The following MYH2 variants were observed in gnomAD, a reference collection of about 807,000 sequenced individuals.
The protein encoded by MYH2 is myosin heavy chain 2.
Under a neutral mutation model 228.1 loss-of-function variants are expected in MYH2, and 139 were observed. That is an observed-to-expected ratio of 0.61 (90% CI 0.53 to 0.70). The LOEUF (loss-of-function observed/expected upper bound fraction) is 0.70. Ranked by LOEUF, MYH2 falls within the 30% of genes least tolerant of loss-of-function variation. The pLI, the probability that MYH2 is intolerant of heterozygous loss-of-function variation, is 0.00. For synonymous variants in MYH2, 796 were observed against 871.1 expected (o/e 0.91, Z 1.52); for missense variants, 1,809 against 2,357.5 (o/e 0.77, Z 4.82).
At chr17:10,538,722 C>T (rs1234004582) in intron 14 of MYH2, among the ~76,000 whole-genome samples, 1 of 151,438 alleles carries the variant, frequency 6.6e-6, no homozygotes, top group Non-Finnish European at 1.5e-5. Context: ...TTCCTTGGGA[C>T]CTTCTATATC....
Position 10,523,101 on chromosome 17 carries a change from C to T in MYH2, c.5662G>A (p.Ala1888Thr). ...TTAAAAATACTTACAGCCTCCTCAG[C>T]TTGTCTCTTATAAGATTTCACTTTT... ...QAKVKSYKRQ[A>T]EEAEEQSNTN... The change falls in exon 39 of 40, where the codon GCT becomes ACT. Residue 1888 changes from alanine (A) to threonine (T), a missense_variant. Ala to Thr is a moderately conservative substitution (Grantham distance 58, BLOSUM62 0). Coordinates refer to ENST00000245503, the MANE Select transcript of MYH2 (RefSeq NM_017534.6). 6.2e-7 allele frequency: 1 copy of T among 1,611,178 alleles called. No homozygotes were observed. Among genetic ancestry groups the T allele is most frequent in the Non-Finnish European group, 8.5e-7 (1 of 1,177,344 alleles).
At chr17:10,526,848 T>A in intron 29 of MYH2, 53 bp from the exon 30 acceptor site, 1 of 1,614,080 alleles carries the variant, frequency 6.2e-7, no homozygotes, top group Non-Finnish European at 8.5e-7. Context: ...ATTTAACTCT[T>A]AACTTTCAAA....
chr17:10,538,829 G>A (rs976189616), intron 14 of MYH2, among the ~76,000 whole-genome samples: 1 of 152,040 alleles, frequency 6.6e-6, no homozygotes, highest in African/African-American at 2.4e-5. Flanking sequence ...AATCAAATAT[G>A]AATTTTTATT....
chr17:10,543,195 T>A (rs759083085), intron 8 of MYH2, 34 bp from the exon 9 acceptor site: 31 of 1,427,484 alleles, frequency 2.2e-5, no homozygotes, highest in African/African-American at 1.1e-4. Flanking sequence ...TACCTTTTTT[T>A]TATATAATAT....
Position 10,524,581 on chromosome 17 carries a change from A to C in MYH2, c.5060T>G (p.Leu1687Arg). ...CCGCAGCTCCTCGATCTCAGCCTGC[A>C]GCAGGTTGGCTCTGCGCTCCACCAT... is the stretch of plus-strand genomic sequence containing the variant. ...LAMVERRANL[L>R]QAEIEELRAT... The change falls in exon 35 of 40, where the codon CTG (leucine) becomes CGG (arginine). Residue 1687 changes from leucine (L) to arginine (R), a missense_variant. Physicochemically the swap from Leu to Arg is moderately radical, Grantham distance 102. Coordinates refer to ENST00000245503, the MANE Select transcript of MYH2 (RefSeq NM_017534.6). This position sits in a 1 kb window ranked among gnomAD's most constrained non-coding sequence, Gnocchi z 4.7. The C allele has an allele frequency of 6.2e-7, 1 of 1,614,178 alleles. No individual in the cohort carries two copies. The highest frequency in any genetic ancestry group is 8.5e-7 in the Non-Finnish European group (1 of 1,180,018).
Position 10,537,236 on chromosome 17 carries a change from C to T in MYH2, c.1894G>A (p.Gly632Arg). The T allele has an allele frequency of 1.2e-6, 2 of 1,614,198 alleles. No homozygotes were observed. Among genetic ancestry groups the T allele is most frequent in the Non-Finnish European group, 1.7e-6 (2 of 1,180,008 alleles). ...QLFSGAQTAEGEGAGGGAKKG... is the reference protein window; with the variant it reads ...QLFSGAQTAEREGAGGGAKKG... ...ATTATTAACATTTGAGCATTACCTC[C>T]TTCAGCAGTTTGAGCCCCAGAGAAG... is the stretch of plus-strand genomic sequence containing the variant. The change falls in exon 16 of 40, where the codon GGA becomes AGA. Residue 632 changes from glycine to arginine, a missense_variant. Around this residue, in one of 9 missense-constraint regions of MYH2, gnomAD observed 276 missense variants for 344.2 expected, o/e 0.80. Transcript: ENST00000245503. The surrounding 1 kb of genome is among the most constrained non-coding windows in gnomAD (Gnocchi z 4.0).
At position 10,542,188 on chromosome 17, in the gene MYH2, C is replaced by T. The variant is rs191353375; in HGVS notation, c.904+687G>A. On this transcript the variant is annotated intron_variant, in intron 10 of 39. Transcript: ENST00000245503. ...CTTGGGAGGCTGGGGCAGGGAGAAT[C>T]GCTTGAACCTGGGAGGTGGAGGTAG... 9.9e-5 allele frequency among the ~76,000 whole-genome samples: 15 copies of T among 152,198 alleles called. No homozygotes were observed. The East Asian group carries it at 1.9e-3, about 20-fold the overall frequency.
chr17:10,547,790 T>C lies in MYH2; in HGVS notation c.131A>G (p.Lys44Arg). 2 of 1,614,248 alleles carry C rather than the reference T, an allele frequency of 1.2e-6. No individual in the cohort carries two copies. Among genetic ancestry groups the C allele is most frequent in the South Asian group, 2.2e-5 (2 of 91,086 alleles). ...GATGGTCCCTTTGACAAAGGATTCTTTGGGCTCCGCCACAAAGACAGATGT... is the reference window on the plus strand; with the variant it reads ...GATGGTCCCTTTGACAAAGGATTCTCTGGGCTCCGCCACAAAGACAGATGT... ...AKTSVFVAEP[K>R]ESFVKGTIQS... The change falls in exon 3 of 40, where the codon AAA becomes AGA. Residue 44 changes from lysine to arginine, a missense_variant. Physicochemically the swap from Lys to Arg is conservative, Grantham distance 26. Transcript: ENST00000245503.
chr17:10,545,177 G>A (rs1032012376), intron 5 of MYH2, among the ~76,000 whole-genome samples, 169 bp downstream of exon 5: 4 of 152,012 alleles, frequency 2.6e-5, no homozygotes, highest in Non-Finnish European at 4.4e-5. Context: ...GTAATATTAC[G>A]CATTACAAAT....
intron 4 of MYH2, 49 bp from the exon 5 acceptor site, chr17:10,545,551 G>A (rs774272646): frequency 4.4e-6 from 7 of 1,606,394 alleles, no homozygotes; most frequent in Admixed American, 3.3e-5. Context: ...CCTGTTATTT[G>A]TGAAATTAAC....
Position 10,529,320 on chromosome 17 carries a change from A to C in MYH2, c.3263+16T>G. 6.2e-7 allele frequency: 1 copy of C among 1,613,690 alleles called. No individual in the cohort carries two copies. The highest frequency in any genetic ancestry group is 8.5e-7 in the Non-Finnish European group (1 of 1,179,928). On this transcript the variant is annotated intron_variant, in intron 25 of 39. Coordinates refer to ENST00000245503, the MANE Select transcript of MYH2 (RefSeq NM_017534.6). ...AATGTTGGAAGCAAATCCATAAGCAATTCTTTCTTACTTACTTTTTGAGCT... is the reference window on the plus strand; with the variant it reads ...AATGTTGGAAGCAAATCCATAAGCACTTCTTTCTTACTTACTTTTTGAGCT...
intron 30 of MYH2, 35 bp downstream of exon 30, chr17:10,526,564 G>T (rs1239308012): frequency 1.9e-6 from 3 of 1,613,290 alleles, no homozygotes; most frequent in Admixed American, 1.7e-5. Context: ...AATATGCAAA[G>T]TTTTCTGCTC....
rs1240903804 is a variant in MYH2, at chr17:10,530,004, G to A, written c.2768C>T (p.Ala923Val). 6.2e-7 allele frequency: 1 copy of A among 1,613,934 alleles called. No homozygotes were observed. Among genetic ancestry groups the A allele is most frequent in the Non-Finnish European group, 8.5e-7 (1 of 1,179,972 alleles). ...TCTCTCAGTCACCTCTTTGATTTTG[G>A]CTTCTAGCTGGATTTTGGTTTTGAT... ...QLIKTKIQLE[A>V]KIKEVTERAE... Residue 923 changes from alanine (A) to valine (V), a missense_variant, in exon 23 of 40, where the codon GCC becomes GTC. Transcript: ENST00000245503.
rs1263747590 is a variant in MYH2 at position 10,523,311 on chromosome 17, G to T, written c.5574C>A (p.Tyr1858Ter). The change falls in exon 38 of 40, where the codon TAC (tyrosine) becomes TAA (stop). Residue 1858 changes from tyrosine to a stop codon, truncating the protein, a stop_gained. Coordinates refer to ENST00000245503, the MANE Select transcript of MYH2 (RefSeq NM_017534.6). LOFTEE classifies it high-confidence loss of function. ...KHERRVKELT[Y>*]QTEEDRKNIL... Reference sequence around the variant, plus strand: ...CGCTAAAAACTACTGGCTGTACCTGGTAAGTGAGTTCCTTCACTCGCCTCT... The same window carrying T: ...CGCTAAAAACTACTGGCTGTACCTGTTAAGTGAGTTCCTTCACTCGCCTCT... 6.2e-7 allele frequency: 1 copy of T among 1,614,132 alleles called. No homozygotes were observed. Among genetic ancestry groups the T allele is most frequent in the Middle Eastern group, 1.6e-4 (1 of 6,062 alleles).
Position 10,521,418 on chromosome 17 carries a change from G to A in MYH2, c.5688C>T (p.Asn1896=), listed in dbSNP as rs146066739. ...GCTTGCGGAATTTAGCTAGATTGGTGTTGGATTGTTCCTCCTGAGAATAAA... is the reference window on the plus strand; with the variant it reads ...GCTTGCGGAATTTAGCTAGATTGGTATTGGATTGTTCCTCCTGAGAATAAA... ...RQAEEAEEQS[N]TNLAKFRKLQ... Residue 1896 remains asparagine (N), a synonymous_variant, in exon 40 of 40, where the codon AAC becomes AAT. Coordinates refer to ENST00000245503, the MANE Select transcript of MYH2 (RefSeq NM_017534.6). 1.2e-6 allele frequency: 2 copies of A among 1,613,980 alleles called. No individual in the cohort carries two copies. The highest frequency in any genetic ancestry group is 1.3e-5 in the African/African-American group (1 of 74,924).
At position 10,524,558 on chromosome 17, in the gene MYH2, G is replaced by T; in HGVS notation, c.5083C>A (p.Arg1695=). 1 of 1,614,172 alleles carries T rather than the reference G, an allele frequency of 6.2e-7. No individual in the cohort carries two copies. Among genetic ancestry groups the T allele is most frequent in the Non-Finnish European group, 8.5e-7 (1 of 1,180,024 alleles). ...NLLQAEIEEL[R]ATLEQTERSR... The stretch of plus-strand genomic sequence containing the variant: ...CTCTCTGTCTGTTCCAGAGTGGCCC[G>T]CAGCTCCTCGATCTCAGCCTGCAGC... The change falls in exon 35 of 40, where the codon CGG becomes AGG. Residue 1695 remains arginine (R), a synonymous_variant. Coordinates refer to ENST00000245503, the MANE Select transcript of MYH2 (RefSeq NM_017534.6). This position sits in a 1 kb window ranked among gnomAD's most constrained non-coding sequence, Gnocchi z 4.7.
At position 10,544,153 on chromosome 17, in the gene MYH2, A is replaced by G. The variant is rs9903455; in HGVS notation, c.506-26T>C. On this transcript the variant is annotated intron_variant, in intron 5 of 39. Transcript: ENST00000245503. ...CTACAAAAGAAATTATAGACATTTA[A>G]TACTGTTTTCTTACATATTTGTAAA... The G allele has an allele frequency of 8.8e-4, 1,417 of 1,608,478 alleles. 16 individuals carry two copies. The African/African-American group carries it at 0.017, about 20-fold the overall frequency.
chr17:10,542,488 C>G (rs2073569210), intron 10 of MYH2, among the ~76,000 whole-genome samples: 1 of 152,046 alleles, frequency 6.6e-6, no homozygotes, highest in African/African-American at 2.4e-5. Flanking sequence ...TATTTAGTGA[C>G]ATGGAAAAAG....
At chr17:10,545,031 G>GTGTGTGTGTGTGTA (rs1415228141) in intron 5 of MYH2, among the ~76,000 whole-genome samples, 34 of 134,700 alleles carry the variant, frequency 2.5e-4, no homozygotes, top group African/African-American at 7.8e-4. Flanking sequence ...GTGTGTGTGT[G>GTGTGTGTGTGTGTA]TATATATACA....
Sources: allele counts gnomAD v4.1 joint callset (sites outside exome capture counted in the v4.1 genomes callset), GRCh38; gene constraint gnomAD v4.1.1; regional missense constraint gnomAD v4.1.1; non-coding constraint Gnocchi (gnomAD v3.1); transcripts MANE v1.5; gene names NCBI Gene and HGNC (gene_info 2026-07-23, HGNC 2026-07-21).